PRDM5: variants seen among roughly 807,000 people sequenced by gnomAD.
The protein encoded by PRDM5 is PR domain zinc finger protein 5.
In PRDM5, 56 loss-of-function variants were observed where a neutral mutation model predicts 81.2. The ratio of observed to expected loss-of-function variants is 0.69; its 90% CI spans 0.56 to 0.86. PRDM5 has a LOEUF of 0.86. PRDM5 is among the 40% of genes least tolerant of loss of function. The pLI is 0.00. For synonymous variants in PRDM5, 267 were observed against 256.4 expected, an observed-to-expected ratio of 1.04 and a Z score of -0.39; for missense variants, 697 against 770.1, an observed-to-expected ratio of 0.91 and a Z score of 1.12.
chr4:120,802,971 C>T (rs548042048), intron 8 of PRDM5, among the ~76,000 whole-genome samples: 25 of 152,214 alleles, frequency 1.6e-4, no homozygotes, highest in Non-Finnish European at 2.2e-4. Flanking sequence ...AAAGATTAGA[C>T]GAATGGCTAA....
intron 3 of PRDM5, among the ~76,000 whole-genome samples, chr4:120,836,930 T>C (rs939616634): frequency 6.6e-6 from 1 of 152,182 alleles, no homozygotes; most frequent in African/African-American, 2.4e-5. Flanking sequence ...ATCATTATTA[T>C]TAATAAACCC....
intron 9 of PRDM5, among the ~76,000 whole-genome samples, chr4:120,799,245 A>G (rs988267678): frequency 6.6e-6 from 1 of 152,216 alleles, no homozygotes; most frequent in Non-Finnish European, 1.5e-5. Context: ...GCTAGAATAT[A>G]AAAGTATCTA....
At chr4:120,710,550 C>G (rs1736816568) in intron 14 of PRDM5, 137 bp from the exon 15 acceptor site, 1 of 743,094 alleles carries the variant, frequency 1.3e-6, no homozygotes, top group Admixed American at 2.0e-5. Context: ...TTTGGCTGTG[C>G]CCCACCCAAA....
intron 14 of PRDM5, among the ~76,000 whole-genome samples, chr4:120,745,844 A>C (rs1296208691): frequency 6.8e-6 from 1 of 147,674 alleles, no homozygotes; most frequent in African/African-American, 2.6e-5. Flanking sequence ...TATCGTGAAA[A>C]TGGCCATACT....
chr4:120,795,434 T>C (rs1206010205), intron 10 of PRDM5, among the ~76,000 whole-genome samples: 1 of 152,166 alleles, frequency 6.6e-6, no homozygotes, highest in African/African-American at 2.4e-5. Flanking sequence ...AATCGAAGTA[T>C]ATTTGAATTG....
chr4:120,851,020 G>A (rs997755243), intron 3 of PRDM5, among the ~76,000 whole-genome samples: 3 of 152,104 alleles, frequency 2.0e-5, no homozygotes, highest in African/African-American at 7.2e-5. Context: ...ATCATTACAA[G>A]TAAGATGTTC....
chr4:120,852,104 C>G (rs148838740), intron 3 of PRDM5, among the ~76,000 whole-genome samples: 2 of 152,100 alleles, frequency 1.3e-5, no homozygotes, highest in Non-Finnish European at 2.9e-5. Context: ...CCTCTAAAAA[C>G]TATATCGTTT....
chr4:120,699,081 T>C (rs1030237017), intron 15 of PRDM5, among the ~76,000 whole-genome samples: 1 of 148,460 alleles, frequency 6.7e-6, no homozygotes, highest in Admixed American at 6.7e-5. Flanking sequence ...ATATTTTCAC[T>C]AGACAAGATT....
intron 2 of PRDM5, among the ~76,000 whole-genome samples, chr4:120,883,961 T>C (rs1443920016): frequency 6.6e-6 from 1 of 152,204 alleles, no homozygotes; most frequent in Non-Finnish European, 1.5e-5. Context: ...TGAAAACTAA[T>C]GAATTACACA....
chr4:120,834,469 G>A, intron 3 of PRDM5, among the ~76,000 whole-genome samples: 1 of 152,088 alleles, frequency 6.6e-6, no homozygotes, highest in East Asian at 1.9e-4. Flanking sequence ...GAAACAGCAG[G>A]CACCTTGATC....
intron 3 of PRDM5, among the ~76,000 whole-genome samples, chr4:120,842,003 T>C (rs978628839): frequency 2.6e-5 from 4 of 152,234 alleles, no homozygotes; most frequent in Admixed American, 6.5e-5. Context: ...TACCACTTCA[T>C]AGTAAATACT....
At chr4:120,750,722 G>GCA (rs1387389412) in intron 14 of PRDM5, among the ~76,000 whole-genome samples, 13 of 134,556 alleles carry the variant, frequency 9.7e-5, no homozygotes, top group Non-Finnish European at 1.4e-4. Flanking sequence ...ACACACACGC[G>GCA]CACACAAAAC....
chr4:120,848,842 T>C (rs1233522675), intron 3 of PRDM5, among the ~76,000 whole-genome samples: 4 of 152,188 alleles, frequency 2.6e-5, no homozygotes, highest in Non-Finnish European at 5.9e-5. Flanking sequence ...GTTTAAAATG[T>C]TACCCTAATA....
rs146212394 is a variant in PRDM5, at chr4:120,773,481, T to C, written c.1537+3707A>G. Among the ~76,000 whole-genome samples the C allele has an allele frequency of 7.1e-4, 108 of 152,304 alleles. 1 individual carries two copies. The Middle Eastern group carries it at 0.017, about 24-fold the overall frequency. On this transcript the variant is annotated intron_variant, in intron 13 of 15. Coordinates refer to ENST00000264808, the MANE Select transcript of PRDM5 (RefSeq NM_018699.4). ...CTAAGTAAAGTAAACATAAAAGATC[T>C]GCATAACTTAGTGAGCCAATATTTT...
chr4:120,915,987 G>T (rs1167415316), intron 1 of PRDM5, among the ~76,000 whole-genome samples: 1 of 152,170 alleles, frequency 6.6e-6, no homozygotes, highest in African/African-American at 2.4e-5. Context: ...GGGCAGAAGG[G>T]CAGATAAAGG....
In PRDM5 at chr4:120,754,583, T is replaced by C. The variant is rs1433719726; in HGVS notation, c.1593A>G (p.Gly531=). 1 of 1,597,420 alleles carries C rather than the reference T, an allele frequency of 6.3e-7. No homozygotes were observed. Among genetic ancestry groups the C allele is most frequent in the Non-Finnish European group, 8.6e-7 (1 of 1,164,936 alleles). ...TGTGAGTACGAATGTGCATCTTCAG[T>C]CCATCATTTTTACTGAATCCTTTTT... ...YCEKGFSKND[G]LKMHIRTHTR... Residue 531 remains glycine, a synonymous_variant, in exon 14 of 16, where the codon GGA becomes GGG. Transcript: ENST00000264808.
rs1404353797 is a variant in PRDM5 at position 120,754,632 on chromosome 4, C to T, written c.1544G>A (p.Arg515His). The T allele has an allele frequency of 1.1e-5, 18 of 1,591,496 alleles. No homozygotes were observed. The highest frequency in any genetic ancestry group is 1.3e-5 in the African/African-American group (1 of 74,358). The change falls in exon 14 of 16, where the codon CGT (arginine) becomes CAT (histidine). Residue 515 changes from arginine to histidine, a missense_variant. Arg to His is a conservative substitution (Grantham distance 29). This residue lies in a region of PRDM5 where 86 missense variants were observed against 135.2 expected (regional missense o/e 0.64). Transcript: ENST00000264808. Reference protein sequence around the residue: ...RVHIRSHTGERPYQCPYCEKG... With the variant: ...RVHIRSHTGEHPYQCPYCEKG... ...TTCACAGTAAGGACATTGATAGGGACGCTCACCTACAAATAAAGGAAGCCT... is the reference window on the plus strand; with the variant it reads ...TTCACAGTAAGGACATTGATAGGGATGCTCACCTACAAATAAAGGAAGCCT...
intron 14 of PRDM5, among the ~76,000 whole-genome samples, chr4:120,721,837 C>T (rs1738651418): frequency 6.6e-6 from 1 of 152,218 alleles, no homozygotes; most frequent in Non-Finnish European, 1.5e-5. Flanking sequence ...GTAGCCGTAA[C>T]ATGGGAAGGC....
intron 2 of PRDM5, among the ~76,000 whole-genome samples, chr4:120,867,792 T>C (rs1033429272): frequency 1.3e-5 from 2 of 152,230 alleles, no homozygotes; most frequent in African/African-American, 4.8e-5. Flanking sequence ...CAAAAACACC[T>C]TCTTTGTCCA....
Sources: gnomAD v4.1 joint callset for allele counts (sites outside exome capture counted in the v4.1 genomes callset) on GRCh38, gnomAD v4.1.1 for gene constraint, gnomAD v4.1.1 regional missense constraint, MANE v1.5 for transcripts, NCBI Gene and HGNC (gene_info 2026-07-23, HGNC 2026-07-21) for gene names.